The following YARS1 variants were observed in gnomAD, a reference collection of about 807,000 sequenced individuals.
YARS1 encodes the protein tyrosine--tRNA ligase, cytoplasmic.
In YARS1, 36 loss-of-function variants were observed where a neutral mutation model predicts 62.2. The ratio of observed to expected loss-of-function variants is 0.58; its 90% CI spans 0.44 to 0.76. The LOEUF (loss-of-function observed/expected upper bound fraction) is 0.76. Among genes scored for constraint, YARS1 ranks in the 30% least tolerant of loss-of-function variants. The pLI, the probability that YARS1 is intolerant of heterozygous loss-of-function variation, is 0.00. For synonymous variants in YARS1, 234 were observed against 244.9 expected, an observed-to-expected ratio of 0.96 and a Z score of 0.42; for missense variants, 524 against 639.8, an observed-to-expected ratio of 0.82 and a Z score of 1.95.
At chr1:32,793,757 G>C (rs565730748) in intron 5 of YARS1, among the ~76,000 whole-genome samples, 1 of 152,200 alleles carries the variant, frequency 6.6e-6, no homozygotes, top group Non-Finnish European at 1.5e-5. Flanking sequence ...ACTTAGAGGT[G>C]ACTTTTCAGT....
chr1:32,787,137 T>C, intron 6 of YARS1, 62 bp from the exon 7 acceptor site: 3 of 1,604,508 alleles, frequency 1.9e-6, no homozygotes, highest in Non-Finnish European at 2.6e-6. Context: ...GCTCAACTAA[T>C]ATAAGTTAAA....
chr1:32,788,293 C>T (rs1653302727), intron 6 of YARS1, among the ~76,000 whole-genome samples: 1 of 152,084 alleles, frequency 6.6e-6, no homozygotes, highest in South Asian at 2.1e-4. Context: ...CTCTGTTGCT[C>T]AGGATGGAGT....
In YARS1 at chr1:32,776,049, G is replaced by C. The variant is rs1652847628; in HGVS notation, c.1519C>G (p.Gln507Glu). The change falls in exon 13 of 13, where the codon CAA (glutamine) becomes GAA (glutamate). Residue 507 changes from glutamine to glutamate, a missense_variant. Coordinates refer to ENST00000373477, the MANE Select transcript of YARS1 (RefSeq NM_003680.4). The surrounding 1 kb of genome is among the most constrained non-coding windows in gnomAD (Gnocchi z 4.0). ...CCCAGCTTGGTCATGAAGTTGGTTT[G>C]CTTCCACTGTGCGATGCACTCCTCA... ...ISEECIAQWK[Q>E]TNFMTKLGSI... The C allele has an allele frequency of 6.2e-7, 1 of 1,614,038 alleles. No individual in the cohort carries two copies. The highest frequency in any genetic ancestry group is 1.1e-5 in the South Asian group (1 of 91,082).
intron 7 of YARS1, 68 bp from the exon 8 acceptor site, chr1:32,786,515 C>T (rs200026544): frequency 6.3e-6 from 6 of 954,076 alleles, no homozygotes; most frequent in Admixed American, 2.3e-5. Flanking sequence ...CATGACTATT[C>T]CTAGCCCACA....
At chr1:32,798,676 G>A (rs764676478) in intron 4 of YARS1, among the ~76,000 whole-genome samples, 20 of 152,092 alleles carry the variant, frequency 1.3e-4, no homozygotes, top group Non-Finnish European at 2.6e-4. Flanking sequence ...AAAGAAATTA[G>A]CCAAGTGTGA....
intron 2 of YARS1, 55 bp downstream of exon 2, chr1:32,810,856 C>T: frequency 6.2e-7 from 1 of 1,614,046 alleles, no homozygotes; most frequent in Non-Finnish European, 8.5e-7. Context: ...CTTGTTAAGT[C>T]TCTCTTGGGT....
At chr1:32,793,307 C>T (rs1311477564) in intron 5 of YARS1, among the ~76,000 whole-genome samples, 1 of 152,158 alleles carries the variant, frequency 6.6e-6, no homozygotes, top group African/African-American at 2.4e-5. Context: ...AGAAGCTCAG[C>T]AAAATCTAAG....
Position 32,810,785 on chromosome 1 carries a change from G to C in YARS1, c.205-19C>G, listed in dbSNP as rs768703124. ...TTGTTACCTGGACAAGAGATAAGGG[G>C]CCACCAAAATGTGAATTTGTCCAAT... On this transcript the variant is annotated intron_variant, in intron 2 of 12. Coordinates refer to ENST00000373477, the MANE Select transcript of YARS1 (RefSeq NM_003680.4). 6.2e-7 allele frequency: 1 copy of C among 1,614,112 alleles called. No individual in the cohort carries two copies. Among genetic ancestry groups the C allele is most frequent in the Admixed American group, 1.7e-5 (1 of 60,010 alleles).
intron 4 of YARS1, among the ~76,000 whole-genome samples, chr1:32,804,443 G>T (rs1377969448): frequency 3.9e-5 from 6 of 151,960 alleles, no homozygotes; most frequent in Non-Finnish European, 5.9e-5. Context: ...GGACGGGGCG[G>T]CTGCCGGGCG....
At chr1:32,791,628 C>A (rs543606532) in intron 5 of YARS1, among the ~76,000 whole-genome samples, 1 of 152,050 alleles carries the variant, frequency 6.6e-6, no homozygotes, top group Non-Finnish European at 1.5e-5. Context: ...ATGGTGAAAC[C>A]CCATCTCTAC....
chr1:32,782,254 A>G, intron 9 of YARS1, 150 bp downstream of exon 9: 1 of 1,318,526 alleles, frequency 7.6e-7, no homozygotes, highest in African/African-American at 1.5e-5. Context: ...AAATGACTCA[A>G]GTTCCATTCT....
chr1:32,811,898 C>A (rs1378563778), intron 1 of YARS1, among the ~76,000 whole-genome samples: 1 of 152,202 alleles, frequency 6.6e-6, no homozygotes, highest in Non-Finnish European at 1.5e-5. Flanking sequence ...AGCCCCCCAA[C>A]TGTCGGAATG....
rs530183413 is a variant in YARS1, at chr1:32,776,273, G to A, written c.1477-182C>T. ...AGCGATTCTCCTGCCTGAGCCTTCC[G>A]AGTAGCTGGGACTACAGGCATGCAC... On this transcript the variant is annotated intron_variant, in intron 12 of 12. Transcript: ENST00000373477. The surrounding 1 kb of genome is among the most constrained non-coding windows in gnomAD (Gnocchi z 4.0). Among the ~76,000 whole-genome samples, 281 of 152,070 alleles carry A rather than the reference G, an allele frequency of 1.8e-3. 1 individual carries two copies. The highest frequency in any genetic ancestry group is 2.4e-3 in the Non-Finnish European group (164 of 67,972).
chr1:32,814,192 CT>C (rs1283176159), intron 1 of YARS1, among the ~76,000 whole-genome samples: 1 of 152,206 alleles, frequency 6.6e-6, no homozygotes, highest in African/African-American at 2.4e-5. Flanking sequence ...ATCTTTTTCA[CT>C]GATAGTTTCA....
chr1:32,798,217 A>T, intron 4 of YARS1: 2 of 235,798 alleles, frequency 8.5e-6, no homozygotes, highest in Non-Finnish European at 1.7e-5. Flanking sequence ...GAAATCAGAA[A>T]CTTTAGGAAA....
rs1225250507 is a variant in YARS1, at chr1:32,791,174, G to A, written c.672C>T (p.Ser224=). 3 of 1,613,890 alleles carry A rather than the reference G, an allele frequency of 1.9e-6. No homozygotes were observed. The South Asian group carries it at 3.3e-5, about 18-fold the overall frequency. Residue 224 remains serine, a synonymous_variant, in exon 6 of 13, where the codon AGC becomes AGT. Transcript: ENST00000373477. ...MVPGLTGSKM[S]SSEEESKIDL... is the part of the protein sequence containing the mutation. ...GCTGGCAACTTACCTCTTCTGAAGAGCTCATTTTGCTGCCTGTTAATCCTG... is the reference window on the plus strand; with the variant it reads ...GCTGGCAACTTACCTCTTCTGAAGAACTCATTTTGCTGCCTGTTAATCCTG...
chr1:32,810,749 C>T lies in YARS1; in HGVS notation c.222G>A (p.Ala74=), dbSNP rs1197659140. The T allele has an allele frequency of 5.0e-6, 8 of 1,613,942 alleles. No individual in the cohort carries two copies. Among genetic ancestry groups the T allele is most frequent in the Admixed American group, 1.7e-5 (1 of 59,976 alleles). ...KAGCEVTILF[A]DLHAYLDNMK... is the part of the protein sequence containing the mutation. ...TGTTATCCAGGTATGCGTGGAGGTC[C>T]GCAAACAGAATTGTTACCTGGACAA... The change falls in exon 3 of 13, where the codon GCG becomes GCA. Residue 74 remains alanine, a synonymous_variant. Coordinates refer to ENST00000373477, the MANE Select transcript of YARS1 (RefSeq NM_003680.4).
chr1:32,786,552 T>A, intron 7 of YARS1, 105 bp from the exon 8 acceptor site: 2 of 1,105,052 alleles, frequency 1.8e-6, no homozygotes, highest in Admixed American at 2.0e-5. Context: ...GTTTTTGCCA[T>A]ATATTCTGAA....
intron 4 of YARS1, among the ~76,000 whole-genome samples, chr1:32,800,601 T>C (rs1258458317): frequency 2.6e-5 from 4 of 152,124 alleles, no homozygotes; most frequent in Non-Finnish European, 5.9e-5. Flanking sequence ...CTTTTTTTTT[T>C]TGGAGATGGA....
Sources: allele counts gnomAD v4.1 joint callset (sites outside exome capture counted in the v4.1 genomes callset), GRCh38; gene constraint gnomAD v4.1.1; non-coding constraint Gnocchi (gnomAD v3.1); transcripts MANE v1.5; gene names NCBI Gene and HGNC (gene_info 2026-07-23, HGNC 2026-07-21).